Variants in MTCL2 observed in about 807,000 individuals in gnomAD.
The protein encoded by MTCL2 is microtubule cross-linking factor 2.
the MTCL2 span, among the ~76,000 whole-genome samples, chr20:36,822,204 C>G: frequency 6.6e-6 from 1 of 152,390 alleles, no homozygotes; most frequent in East Asian, 1.9e-4. Context: ...GGCTGCACCC[C>G]GCAAGAAAGC....
At chr20:36,786,490 C>T in the MTCL2 span, 9 of 1,539,410 alleles carry the variant, frequency 5.8e-6, 1 homozygote, top group South Asian at 6.0e-5. Flanking sequence ...CTCTGTCACT[C>T]GCTGGGGGGG....
chr20:36,829,338 T>C, the MTCL2 span: 1 of 907,786 alleles, frequency 1.1e-6, no homozygotes, highest in Non-Finnish European at 1.6e-6. Flanking sequence ...ATCGCATCAC[T>C]GCCACGCTGC....
the MTCL2 span, among the ~76,000 whole-genome samples, chr20:36,845,761 T>G: frequency 6.6e-6 from 1 of 152,096 alleles, no homozygotes; most frequent in African/African-American, 2.4e-5. Flanking sequence ...AAGAATGTTC[T>G]GGGGCTCTGT....
the MTCL2 span, among the ~76,000 whole-genome samples, chr20:36,836,622 G>A: frequency 6.6e-6 from 1 of 151,996 alleles, no homozygotes; most frequent in African/African-American, 2.4e-5. Flanking sequence ...AGGATTACAG[G>A]TGTGAGCCAC....
the MTCL2 span, among the ~76,000 whole-genome samples, chr20:36,833,676 C>A: frequency 0.015 from 2,340 of 152,130 alleles, 19 homozygotes; most frequent in Middle Eastern, 0.048. Flanking sequence ...TAGGGAGACC[C>A]CCATCTCTAT....
At chr20:36,790,814 A>ATCTGC in the MTCL2 span, among the ~76,000 whole-genome samples, 102 of 150,716 alleles carry the variant, frequency 6.8e-4, no homozygotes, top group African/African-American at 2.5e-3. Flanking sequence ...AGCTCAAGTG[A>ATCTGC]TCTGCCCACC....
the MTCL2 span, chr20:36,809,917 G>T: frequency 1.3e-6 from 2 of 1,541,182 alleles, no homozygotes; most frequent in African/African-American, 2.7e-5. Context: ...GATCCTCAAG[G>T]CCTCTGCTTC....
the MTCL2 span, chr20:36,829,057 T>C: frequency 6.5e-7 from 1 of 1,547,800 alleles, no homozygotes; most frequent in Non-Finnish European, 8.7e-7. Flanking sequence ...TCCTCACCTC[T>C]CTCGGTCGCT....
chr20:36,845,941 T>A, the MTCL2 span, among the ~76,000 whole-genome samples: 1 of 152,026 alleles, frequency 6.6e-6, no homozygotes, highest in Non-Finnish European at 1.5e-5. Flanking sequence ...CCAGACCCCC[T>A]AACTGTGTGG....
At chr20:36,783,878 T>C in the MTCL2 span, 151 of 984,630 alleles carry the variant, frequency 1.5e-4, no homozygotes, top group Non-Finnish European at 1.5e-4. Context: ...ACCAAACCAA[T>C]ATTTACATGT....
chr20:36,794,135 C>G, the MTCL2 span: 1 of 1,551,340 alleles, frequency 6.4e-7, no homozygotes, highest in Non-Finnish European at 8.7e-7. This position sits in a 1 kb window ranked among gnomAD's most constrained non-coding sequence, Gnocchi z 5.4. Context: ...GCCCGCTGAG[C>G]CTCCGTCCAG....
At chr20:36,838,363 G>A in the MTCL2 span, among the ~76,000 whole-genome samples, 1 of 152,170 alleles carries the variant, frequency 6.6e-6, no homozygotes, top group Non-Finnish European at 1.5e-5. Flanking sequence ...GGGAGGCCAA[G>A]GCAGGAGGAT....
At chr20:36,785,411 G>A in the MTCL2 span, 104 of 984,678 alleles carry the variant, frequency 1.1e-4, 1 homozygote, top group African/African-American at 1.8e-3. Flanking sequence ...TTTATAGTAG[G>A]AAAAATTCAA....
At chr20:36,854,492 C>T in the MTCL2 span, among the ~76,000 whole-genome samples, 2 of 152,020 alleles carry the variant, frequency 1.3e-5, no homozygotes, top group South Asian at 2.1e-4. Context: ...GCACAAAGGC[C>T]GGATGGGAAG....
At chr20:36,812,768 T>C in the MTCL2 span, 2 of 1,613,906 alleles carry the variant, frequency 1.2e-6, no homozygotes, top group Non-Finnish European at 1.7e-6. Context: ...GGGGTCGGGC[T>C]TAGAGTCCAA....
chr20:36,819,708 G>A, the MTCL2 span, among the ~76,000 whole-genome samples: 5 of 152,230 alleles, frequency 3.3e-5, no homozygotes, highest in South Asian at 1.0e-3. Context: ...AGTGCAGGTC[G>A]GATCCTCTGT....
chr20:36,792,869 C>T, the MTCL2 span, among the ~76,000 whole-genome samples: 541 of 150,278 alleles, frequency 3.6e-3, 5 homozygotes, highest in African/African-American at 0.012. Flanking sequence ...GACAGACAGA[C>T]AGACAGACAG....
At chr20:36,793,569 T>C in the MTCL2 span, 2 of 1,551,706 alleles carry the variant, frequency 1.3e-6, no homozygotes, top group South Asian at 1.2e-5. This position sits in a 1 kb window ranked among gnomAD's most constrained non-coding sequence, Gnocchi z 6.8. Flanking sequence ...ACAGACTCCG[T>C]GCTCCCTGAG....
chr20:36,829,076 G>A, the MTCL2 span: 30 of 1,554,204 alleles, frequency 1.9e-5, no homozygotes, highest in African/African-American at 5.5e-5. Flanking sequence ...CTCCAGCTCC[G>A]TCTGCAGCAC....
Sources: gnomAD v4.1 joint callset for allele counts (sites outside exome capture counted in the v4.1 genomes callset) on GRCh38, gnomAD v4.1.1 for gene constraint, Gnocchi (gnomAD v3.1) non-coding constraint, MANE v1.5 for transcripts, NCBI Gene and HGNC (gene_info 2026-07-23, HGNC 2026-07-21) for gene names.